MAGI2: variants seen among roughly 807,000 people sequenced by gnomAD.
MAGI2 encodes the protein membrane-associated guanylate kinase, WW and PDZ domain-containing protein 2.
MAGI2 carries 35 observed loss-of-function variants against 133.3 expected under a neutral mutation model. The ratio of observed to expected loss-of-function variants is 0.26; its 90% confidence interval spans 0.20 to 0.35. The LOEUF is 0.35. MAGI2 is among the 10% of genes least tolerant of loss of function. MAGI2 has a pLI of 1.00. For synonymous variants in MAGI2, 729 were observed against 710.6 expected (o/e 1.03, Z -0.41); for missense variants, 1,636 against 1,863.4 (o/e 0.88, Z 2.25).
chr7:79,037,784 A>G (rs1196380607), intron 1 of MAGI2, among the ~76,000 whole-genome samples: 5 of 152,170 alleles, frequency 3.3e-5, no homozygotes, highest in South Asian at 2.1e-4. Flanking sequence ...TAATCTACAG[A>G]TATGCTCTTC....
In MAGI2 at chr7:78,417,701, G is replaced by A. The variant is rs545048851; in HGVS notation, c.1046-48488C>T. Among the ~76,000 whole-genome samples, 35 of 152,060 alleles carry A rather than the reference G, an allele frequency of 2.3e-4. 3 individuals are homozygous for A. The South Asian group carries it at 7.3e-3, about 32-fold the overall frequency. On this transcript the variant is annotated intron_variant, in intron 6 of 21. Transcript: ENST00000354212. ...TTATTTTGTTGAAACAATTATCCTGGGGGACAGATATTACTGTGCTTATTT... is the reference window on the plus strand; with the variant it reads ...TTATTTTGTTGAAACAATTATCCTGAGGGACAGATATTACTGTGCTTATTT...
intron 2 of MAGI2, among the ~76,000 whole-genome samples, chr7:78,745,924 G>A (rs1447023021): frequency 1.3e-5 from 2 of 152,124 alleles, no homozygotes; most frequent in African/African-American, 2.4e-5. Flanking sequence ...GCAGTCACCT[G>A]TTGAACAGAA....
At chr7:78,994,866 C>T (rs1355716494) in intron 2 of MAGI2, among the ~76,000 whole-genome samples, 2 of 152,006 alleles carry the variant, frequency 1.3e-5, no homozygotes, top group Non-Finnish European at 2.9e-5. Context: ...CACCCCCACC[C>T]TGATTTGCAA....
At chr7:79,403,527 CA>C (rs552413243) in intron 1 of MAGI2, among the ~76,000 whole-genome samples, 9 of 151,600 alleles carry the variant, frequency 5.9e-5, no homozygotes, top group African/African-American at 2.2e-4. Flanking sequence ...ATTTTAGGTG[CA>C]AAAAAATAAC....
intron 1 of MAGI2, among the ~76,000 whole-genome samples, chr7:79,018,469 C>T (rs1249801001): frequency 6.6e-6 from 1 of 152,164 alleles, no homozygotes; most frequent in Non-Finnish European, 1.5e-5. Flanking sequence ...ACTAGTGACA[C>T]TATAAAGCAA....
chr7:79,101,490 C>T (rs139952774), intron 1 of MAGI2, among the ~76,000 whole-genome samples: 4,276 of 152,018 alleles, frequency 0.028, 196 homozygotes, highest in African/African-American at 0.097. Context: ...TTTGGGAGGC[C>T]GAGGTGGGCG....
intron 2 of MAGI2, among the ~76,000 whole-genome samples, chr7:78,979,913 A>G (rs1349162895): frequency 6.6e-6 from 1 of 151,946 alleles, no homozygotes; most frequent in Non-Finnish European, 1.5e-5. Flanking sequence ...TTAAAATGTT[A>G]TTTGAAAAAT....
intron 20 of MAGI2, among the ~76,000 whole-genome samples, chr7:78,101,566 G>T (rs932932482): frequency 2.0e-5 from 3 of 151,558 alleles, no homozygotes; most frequent in African/African-American, 7.2e-5. Flanking sequence ...ATGGATTAAA[G>T]ACTTAATTAT....
intron 1 of MAGI2, among the ~76,000 whole-genome samples, chr7:79,189,985 C>G (rs548187050): frequency 1.3e-4 from 20 of 151,878 alleles, no homozygotes; most frequent in African/African-American, 3.4e-4. Context: ...AATAATACTC[C>G]ATTGTATGAA....
At chr7:79,236,810 A>G (rs925529116) in intron 1 of MAGI2, among the ~76,000 whole-genome samples, 1 of 152,246 alleles carries the variant, frequency 6.6e-6, no homozygotes, top group Non-Finnish European at 1.5e-5. Context: ...TTTATTAACC[A>G]TATGTGTAAA....
intron 2 of MAGI2, among the ~76,000 whole-genome samples, chr7:78,991,015 A>G (rs187667353): frequency 3.0e-4 from 44 of 148,488 alleles, no homozygotes; most frequent in Admixed American, 1.9e-3. Flanking sequence ...CGAGGGAGGG[A>G]TTTGGTGGGG....
chr7:79,433,279 C>G (rs1481919095), intron 1 of MAGI2, among the ~76,000 whole-genome samples: 1 of 151,980 alleles, frequency 6.6e-6, no homozygotes, highest in Non-Finnish European at 1.5e-5. Flanking sequence ...TGGCCAGGCG[C>G]GGTGGCTCAG....
chr7:79,374,935 C>G (rs1843289364), intron 1 of MAGI2, among the ~76,000 whole-genome samples: 1 of 151,788 alleles, frequency 6.6e-6, no homozygotes, highest in Non-Finnish European at 1.5e-5. Context: ...ACCAGTTATC[C>G]ACCTACTATT....
At chr7:78,457,385 G>A (rs1164301645) in intron 6 of MAGI2, among the ~76,000 whole-genome samples, 2 of 152,148 alleles carry the variant, frequency 1.3e-5, no homozygotes, top group Non-Finnish European at 2.9e-5. Context: ...GTTCAAATCC[G>A]GGCCTTAGGT....
At chr7:79,388,849 A>C (rs971334334) in intron 1 of MAGI2, among the ~76,000 whole-genome samples, 1 of 151,528 alleles carries the variant, frequency 6.6e-6, no homozygotes, top group Non-Finnish European at 1.5e-5. Context: ...TCATTAAAAA[A>C]AAAAAAAACA....
intron 13 of MAGI2, among the ~76,000 whole-genome samples, chr7:78,181,480 C>T (rs1179739964): frequency 6.6e-6 from 1 of 152,150 alleles, no homozygotes; most frequent in Non-Finnish European, 1.5e-5. Context: ...TCTCAGGTGT[C>T]GCTTAATGCA....
At chr7:79,356,482 A>C (rs757024968) in intron 1 of MAGI2, among the ~76,000 whole-genome samples, 1 of 152,174 alleles carries the variant, frequency 6.6e-6, no homozygotes, top group Non-Finnish European at 1.5e-5. Context: ...AAAGCAAAAA[A>C]AGTTTCCAAA....
chr7:79,413,423 A>G (rs1013831635), intron 1 of MAGI2: 2 of 152,180 alleles, frequency 1.3e-5, no homozygotes, highest in Admixed American at 1.3e-4. Context: ...GTGAATCAGA[A>G]GACTTTACTG....
At chr7:79,294,220 T>C (rs1836732921) in intron 1 of MAGI2, among the ~76,000 whole-genome samples, 1 of 149,482 alleles carries the variant, frequency 6.7e-6, no homozygotes, top group South Asian at 2.1e-4. Context: ...ATGAAGAATA[T>C]GTATGGTGAT....
Sources: gnomAD v4.1 joint callset for allele counts (sites outside exome capture counted in the v4.1 genomes callset) on GRCh38, gnomAD v4.1.1 for gene constraint, MANE v1.5 for transcripts, NCBI Gene and HGNC (gene_info 2026-07-23, HGNC 2026-07-21) for gene names.